Variants in CLRN3 observed in about 807,000 individuals in gnomAD.
CLRN3 encodes the protein clarin 3.
In CLRN3, 12 loss-of-function variants were observed where a neutral mutation model predicts 16.7. The observed-to-expected ratio is 0.72, with a 90% confidence interval of 0.46 to 1.16. The LOEUF (loss-of-function observed/expected upper bound fraction) is 1.16, where lower values mean the gene tolerates loss of function less well. Among genes scored for constraint, CLRN3 ranks in the 50% most tolerant of loss-of-function variants. The pLI is 0.00. For synonymous variants in CLRN3, 118 were observed against 113.0 expected, an observed-to-expected ratio of 1.04 and a Z score of -0.28; for missense variants, 296 against 274.2, an observed-to-expected ratio of 1.08 and a Z score of -0.56.
At chr10:127,881,299 C>A (rs1845125012) in intron 2 of CLRN3, among the ~76,000 whole-genome samples, 1 of 152,204 alleles carries the variant, frequency 6.6e-6, no homozygotes, top group African/African-American at 2.4e-5. Flanking sequence ...TACGGGGAGG[C>A]TCTCAGGTCC....
chr10:127,886,585 G>A (rs904318679), intron 1 of CLRN3, among the ~76,000 whole-genome samples: 1 of 152,226 alleles, frequency 6.6e-6, no homozygotes, highest in African/African-American at 2.4e-5. Context: ...AAGGGGAGGA[G>A]AGAGAAAAGG....
intron 2 of CLRN3, among the ~76,000 whole-genome samples, chr10:127,878,957 C>T (rs1759312427): frequency 6.6e-6 from 1 of 152,150 alleles, no homozygotes; most frequent in Admixed American, 6.5e-5. Context: ...GCCACAAATG[C>T]CATCCCAGGA....
chr10:127,887,928 G>A (rs562408838), intron 1 of CLRN3, among the ~76,000 whole-genome samples: 6 of 152,318 alleles, frequency 3.9e-5, no homozygotes, highest in Non-Finnish European at 8.8e-5. Context: ...AGAGAAGAGC[G>A]TCTGGCCCGC....
chr10:127,879,117 T>G (rs1359616167), intron 2 of CLRN3, among the ~76,000 whole-genome samples: 1 of 152,210 alleles, frequency 6.6e-6, no homozygotes, highest in Non-Finnish European at 1.5e-5. Context: ...ACATTCTTTT[T>G]TGTTTGTTTT....
chr10:127,878,822 G>A (rs777591386), intron 2 of CLRN3, among the ~76,000 whole-genome samples: 4 of 152,268 alleles, frequency 2.6e-5, no homozygotes, highest in East Asian at 1.9e-4. Flanking sequence ...GGAAGAAGCC[G>A]CCTTAAAAAG....
chr10:127,885,856 A>G (rs1449088082), intron 1 of CLRN3, among the ~76,000 whole-genome samples: 1 of 152,030 alleles, frequency 6.6e-6, no homozygotes, highest in African/African-American at 2.4e-5. Context: ...CCCGGGTTCA[A>G]GCAATTGTCC....
In CLRN3 at chr10:127,887,370, G is replaced by A. The variant is rs1196328520; in HGVS notation, c.230-3495C>T. 5.3e-5 allele frequency among the ~76,000 whole-genome samples: 8 copies of A among 151,990 alleles called. No homozygotes were observed. The East Asian group carries it at 1.5e-3, about 29-fold the overall frequency. On this transcript the variant is annotated intron_variant, in intron 1 of 2. Coordinates refer to ENST00000368671, the MANE Select transcript of CLRN3 (RefSeq NM_152311.5). ...AAAAGGAGCTGTGTCCAAGGCCCCT[G>A]AAGTGGCTTGCAGTATTTTTCTGCT...
chr10:127,884,033 C>T, intron 1 of CLRN3, 158 bp from the exon 2 acceptor site: 3 of 677,886 alleles, frequency 4.4e-6, no homozygotes, highest in Non-Finnish European at 7.9e-6. Flanking sequence ...ACAAGACCCG[C>T]ATTCCCCACT....
At position 127,892,848 on chromosome 10, in the gene CLRN3, C is replaced by T. The variant is rs1176214117; in HGVS notation, c.-64G>A. 1 of 956,956 alleles carries T rather than the reference C, an allele frequency of 1.0e-6. No homozygotes were observed. Among genetic ancestry groups the T allele is most frequent in the Non-Finnish European group, 1.6e-6 (1 of 609,426 alleles). The allele number at this position is 956,956 out of a possible 1,614,324, so 59.3% of individuals were successfully genotyped here. On this transcript the variant is annotated 5_prime_UTR_variant, in exon 1 of 3. Transcript: ENST00000368671. ...ATATCTTCTTATAACACTTTTGAACCTTATCTTTTGAAGTCTGGTATTTAG... is the reference window on the plus strand; with the variant it reads ...ATATCTTCTTATAACACTTTTGAACTTTATCTTTTGAAGTCTGGTATTTAG...
Position 127,883,811 on chromosome 10 carries a change from G to A in CLRN3, c.294C>T (p.Val98=). ...TCAGCAGCGACGTGATCAAACTCAG[G>A]ACCAGGAACAGGATAGTCACCGAAT... ...TLHSVTILFL[V]LSLITSLLSS... is the part of the protein sequence containing the mutation. The change falls in exon 2 of 3, where the codon GTC becomes GTT. Residue 98 remains valine (V), a synonymous_variant. Transcript: ENST00000368671. 1 of 1,614,184 alleles carries A rather than the reference G, an allele frequency of 6.2e-7. No individual in the cohort carries two copies. The highest frequency in any genetic ancestry group is 8.5e-7 in the Non-Finnish European group (1 of 1,180,024).
At position 127,878,032 on chromosome 10, in the gene CLRN3, A is replaced by G. The variant is rs1248221370; in HGVS notation, c.*117T>C. 2 of 1,274,644 alleles carry G rather than the reference A, an allele frequency of 1.6e-6. No homozygotes were observed. The highest frequency in any genetic ancestry group is 1.5e-5 in the African/African-American group (1 of 67,614). The allele number at this position is 1,274,644 out of a possible 1,614,324, so 79.0% of individuals were successfully genotyped here. The stretch of plus-strand genomic sequence containing the variant: ...TGAAGAACACAGTGTCATGAAACAC[A>G]AATGCTGTCACAGATGACAGTCACG... On this transcript the variant is annotated 3_prime_UTR_variant, in exon 3 of 3. Transcript: ENST00000368671.
At chr10:127,881,465 T>C (rs1287168924) in intron 2 of CLRN3, among the ~76,000 whole-genome samples, 1 of 152,198 alleles carries the variant, frequency 6.6e-6, no homozygotes, top group African/African-American at 2.4e-5. Context: ...ACAGCAATGC[T>C]GGGTCCCTGT....
intron 1 of CLRN3, among the ~76,000 whole-genome samples, chr10:127,890,824 TC>T (rs1264599157): frequency 6.6e-6 from 1 of 152,140 alleles, no homozygotes; most frequent in African/African-American, 2.4e-5. Context: ...AACATGACTT[TC>T]CCCTGTCTGA....
chr10:127,886,329 A>G (rs1306637049), intron 1 of CLRN3, among the ~76,000 whole-genome samples: 1 of 152,194 alleles, frequency 6.6e-6, no homozygotes, highest in Non-Finnish European at 1.5e-5. Flanking sequence ...TGAGGAAGAA[A>G]AGTTTCCTCC....
At chr10:127,887,365 C>T (rs1338599756) in intron 1 of CLRN3, among the ~76,000 whole-genome samples, 1 of 152,106 alleles carries the variant, frequency 6.6e-6, no homozygotes, top group East Asian at 1.9e-4. Context: ...GTGTCCAAGG[C>T]CCCTGAAGTG....
chr10:127,883,071 A>G (rs1034755158), intron 2 of CLRN3, among the ~76,000 whole-genome samples: 2 of 152,184 alleles, frequency 1.3e-5, no homozygotes, highest in African/African-American at 4.8e-5. Context: ...CATGAAACAA[A>G]CAAAATAACC....
Position 127,883,798 on chromosome 10 carries a change from T to G in CLRN3, c.307A>C (p.Thr103Pro), listed in dbSNP as rs1251271510. 4.3e-6 allele frequency: 7 copies of G among 1,614,088 alleles called. 1 individual carries two copies. In the Admixed American group the frequency reaches 1.2e-4, roughly 27 times the overall value. The change falls in exon 2 of 3, where the codon ACG becomes CCG. Residue 103 changes from threonine (T) to proline (P), a missense_variant. Transcript: ENST00000368671. ...TILFLVLSLI[T>P]SLLSSGFTFY... is the part of the protein sequence containing the mutation. The stretch of plus-strand genomic sequence containing the variant: ...GTAAACCCAGAGCTCAGCAGCGACG[T>G]GATCAAACTCAGGACCAGGAACAGG...
chr10:127,881,006 A>G lies in CLRN3; in HGVS notation c.410-2586T>C, dbSNP rs561800060. On this transcript the variant is annotated intron_variant, in intron 2 of 2. Transcript: ENST00000368671. ...CCCTCAAAGCTCCTGTGAGAAAATC[A>G]GGAACCCCCAAAGGGCTACTTTGGG... 1.9e-4 allele frequency among the ~76,000 whole-genome samples: 29 copies of G among 152,290 alleles called. No homozygotes were observed. The East Asian group carries it at 5.4e-3, about 29-fold the overall frequency.
In CLRN3 at chr10:127,892,598, C is replaced by T; in HGVS notation, c.187G>A (p.Glu63Lys). 6 of 1,612,510 alleles carry T rather than the reference C, an allele frequency of 3.7e-6. No homozygotes were observed. The highest frequency in any genetic ancestry group is 5.1e-6 in the Non-Finnish European group (6 of 1,178,544). The change falls in exon 1 of 3, where the codon GAA becomes AAA. Residue 63 changes from glutamate (E) to lysine (K), a missense_variant. Transcript: ENST00000368671. ...GGTTCTGCAAGTCCGTGACTCAATT[C>T]TTCACTACTCTCCCCACGAAAAAGT... The part of the protein sequence containing the change: ...YGLFRGESSE[E>K]LSHGLAEPKK...
Sources: gnomAD v4.1 joint callset for allele counts (sites outside exome capture counted in the v4.1 genomes callset) on GRCh38, gnomAD v4.1.1 for gene constraint, MANE v1.5 for transcripts, NCBI Gene and HGNC (gene_info 2026-07-23, HGNC 2026-07-21) for gene names.